MEGF11: variants seen among roughly 807,000 people sequenced by gnomAD.
MEGF11 encodes multiple epidermal growth factor-like domains protein 11.
Under a neutral mutation model 146.6 loss-of-function variants are expected in MEGF11, and 126 were observed. That is an observed-to-expected ratio of 0.86 (90% confidence interval 0.74 to 1.00). The LOEUF is 1.00. MEGF11 is among the 50% of genes least tolerant of loss of function. The pLI is 0.00. For synonymous variants in MEGF11, 532 were observed against 583.4 expected, an observed-to-expected ratio of 0.91 and a Z score of 1.27; for missense variants, 1,509 against 1,521.2, an observed-to-expected ratio of 0.99 and a Z score of 0.13.
intron 1 of MEGF11, among the ~76,000 whole-genome samples, chr15:66,160,707 C>A (rs8024998): frequency 0.024 from 2,129 of 88,192 alleles, 19 homozygotes; most frequent in African/African-American, 0.029. Flanking sequence ...ACACACACAC[C>A]CTTGCCCTAG....
In MEGF11 at chr15:66,031,476, T is replaced by C. The variant is rs546146347; in HGVS notation, c.395-48988A>G. ...ATGGAGGCCGGGCTGGGGTTCTACC[T>C]CAATCCAGCACCAGATCAGAGGTGG... is the stretch of plus-strand genomic sequence containing the variant. On this transcript the variant is annotated intron_variant, in intron 5 of 25. Coordinates refer to ENST00000395614, the MANE Select transcript of MEGF11 (RefSeq NM_001385028.1). 2.0e-5 allele frequency among the ~76,000 whole-genome samples: 3 copies of C among 152,316 alleles called. No homozygotes were observed. The East Asian group carries it at 5.8e-4, about 29-fold the overall frequency.
At chr15:66,218,695 C>T (rs965640557) in intron 1 of MEGF11, among the ~76,000 whole-genome samples, 2 of 152,104 alleles carry the variant, frequency 1.3e-5, no homozygotes, top group African/African-American at 2.4e-5. Flanking sequence ...AAGGTGGCCC[C>T]TAGTGGGAAG....
chr15:65,946,055 A>T (rs954877816), intron 10 of MEGF11, among the ~76,000 whole-genome samples: 2 of 152,192 alleles, frequency 1.3e-5, no homozygotes, highest in African/African-American at 2.4e-5. Context: ...AAATAAGTTA[A>T]TATATGTAAT....
chr15:65,948,249 C>G (rs2080269373), intron 10 of MEGF11, among the ~76,000 whole-genome samples: 1 of 152,032 alleles, frequency 6.6e-6, no homozygotes. Flanking sequence ...CGCCTGTATT[C>G]CATCCCAGCT....
chr15:65,928,169 C>T (rs1433598236), intron 13 of MEGF11, among the ~76,000 whole-genome samples: 1 of 152,198 alleles, frequency 6.6e-6, no homozygotes, highest in Non-Finnish European at 1.5e-5. Context: ...TGAGCACTTA[C>T]ACCAACCATA....
intron 1 of MEGF11, among the ~76,000 whole-genome samples, chr15:66,188,408 C>T (rs889297989): frequency 3.3e-5 from 5 of 151,940 alleles, no homozygotes; most frequent in Non-Finnish European, 7.4e-5. Flanking sequence ...AAAAAAAAAC[C>T]TTGCCAGGTT....
At chr15:66,171,779 C>G (rs1427569788) in intron 1 of MEGF11, among the ~76,000 whole-genome samples, 1 of 151,916 alleles carries the variant, frequency 6.6e-6, no homozygotes, top group East Asian at 1.9e-4. Flanking sequence ...CCCCCCACCC[C>G]CAGCGCTCAC....
At chr15:66,208,334 TA>T (rs1164931039) in intron 1 of MEGF11, among the ~76,000 whole-genome samples, 1 of 152,036 alleles carries the variant, frequency 6.6e-6, no homozygotes, top group Non-Finnish European at 1.5e-5. Context: ...AGCAACCATT[TA>T]AAAGGCTATG....
At chr15:66,075,630 C>G (rs890168292) in intron 5 of MEGF11, among the ~76,000 whole-genome samples, 2 of 152,176 alleles carry the variant, frequency 1.3e-5, no homozygotes, top group Non-Finnish European at 2.9e-5. Context: ...TGCCCCAGAT[C>G]ACATTGAAGA....
chr15:66,075,879 C>T (rs1051507224), intron 5 of MEGF11, among the ~76,000 whole-genome samples: 3 of 152,194 alleles, frequency 2.0e-5, no homozygotes, highest in Non-Finnish European at 4.4e-5. Context: ...TGATATTTGG[C>T]AGGACCTCTG....
At chr15:65,965,624 TTTTGG>T (rs1340989466) in intron 8 of MEGF11, among the ~76,000 whole-genome samples, 4 of 118,726 alleles carry the variant, frequency 3.4e-5, no homozygotes, top group Non-Finnish European at 3.9e-5. Context: ...TTTTTTTTTT[TTTTGG>T]CTCTTCTATT....
chr15:65,941,601 G>A lies in MEGF11; in HGVS notation c.1288-10658C>T, dbSNP rs1175139583. 3.3e-5 allele frequency among the ~76,000 whole-genome samples: 5 copies of A among 152,204 alleles called. No homozygotes were observed. The East Asian group carries it at 7.7e-4, about 23-fold the overall frequency. The stretch of plus-strand genomic sequence containing the variant: ...TGTGGAGCAGTTTCTTTTCTCCTCT[G>A]TATTGATGCTCTTGTGCTACCTGTA... On this transcript the variant is annotated intron_variant, in intron 10 of 25. Coordinates refer to ENST00000395614, the MANE Select transcript of MEGF11 (RefSeq NM_001385028.1).
intron 5 of MEGF11, among the ~76,000 whole-genome samples, chr15:66,053,262 T>C (rs2084524913): frequency 6.6e-6 from 1 of 152,252 alleles, no homozygotes; most frequent in Non-Finnish European, 1.5e-5. Context: ...ATGCTTAGCA[T>C]AGAGCCAGAT....
chr15:66,171,689 C>G (rs992351102), intron 1 of MEGF11, among the ~76,000 whole-genome samples: 3 of 151,054 alleles, frequency 2.0e-5, no homozygotes, highest in Non-Finnish European at 4.4e-5. Context: ...TCTGCAAGAA[C>G]CCCCACGCAA....
intron 4 of MEGF11, among the ~76,000 whole-genome samples, chr15:66,103,332 C>T (rs886252057): frequency 3.3e-5 from 5 of 152,180 alleles, no homozygotes; most frequent in Non-Finnish European, 1.5e-5. Context: ...ACACCAGATG[C>T]CTGGGTTTGA....
At chr15:65,976,850 C>T (rs774176701) in intron 7 of MEGF11, among the ~76,000 whole-genome samples, 18 of 152,100 alleles carry the variant, frequency 1.2e-4, no homozygotes, top group African/African-American at 3.6e-4. Context: ...GGACAACAGT[C>T]GCACTTTAAG....
chr15:66,228,641 T>TA (rs2091901858), intron 1 of MEGF11, among the ~76,000 whole-genome samples: 1 of 152,190 alleles, frequency 6.6e-6, no homozygotes, highest in Admixed American at 6.5e-5. Flanking sequence ...AACCATCTCC[T>TA]ACCGCAAGCC....
intron 5 of MEGF11, among the ~76,000 whole-genome samples, chr15:66,050,319 T>C (rs948667890): frequency 3.9e-5 from 6 of 152,128 alleles, no homozygotes; most frequent in African/African-American, 1.4e-4. Context: ...GAGCAATATG[T>C]AGGGAAAGGG....
At chr15:66,049,637 C>T (rs762597766) in intron 5 of MEGF11, among the ~76,000 whole-genome samples, 3 of 152,098 alleles carry the variant, frequency 2.0e-5, no homozygotes, top group Non-Finnish European at 4.4e-5. Flanking sequence ...AAAGTGAGTG[C>T]CAGTGATTAT....
Sources: allele counts gnomAD v4.1 joint callset (sites outside exome capture counted in the v4.1 genomes callset), GRCh38; gene constraint gnomAD v4.1.1; transcripts MANE v1.5; gene names NCBI Gene and HGNC (gene_info 2026-07-23, HGNC 2026-07-21).